The following ERBB4 variants were observed in gnomAD, a reference collection of about 807,000 sequenced individuals.
ERBB4 encodes erb-b2 receptor tyrosine kinase 4, also known as receptor tyrosine-protein kinase erbB-4.
Under a neutral mutation model 158.0 loss-of-function variants are expected in ERBB4, and 42 were observed. That is an observed-to-expected ratio of 0.27 (90% CI 0.21 to 0.34). The LOEUF (loss-of-function observed/expected upper bound fraction) is 0.34, where lower values mean the gene tolerates loss of function less well. Among genes scored for constraint, ERBB4 ranks in the 10% least tolerant of loss-of-function variants. The pLI is 1.00. For synonymous variants in ERBB4, 583 were observed against 558.7 expected, an observed-to-expected ratio of 1.04 and a Z score of -0.61; for missense variants, 1,333 against 1,624.1, an observed-to-expected ratio of 0.82 and a Z score of 3.08.
chr2:211,692,681 T>C (rs1168720104), intron 12 of ERBB4, among the ~76,000 whole-genome samples: 3 of 152,148 alleles, frequency 2.0e-5, no homozygotes, highest in Non-Finnish European at 4.4e-5. Context: ...AACCTCCCTC[T>C]ACCTTCCTCT....
intron 2 of ERBB4, among the ~76,000 whole-genome samples, chr2:212,053,732 C>G (rs1017361609): frequency 6.6e-6 from 1 of 152,108 alleles, no homozygotes; most frequent in African/African-American, 2.4e-5. Context: ...CGTGGACTCC[C>G]CAAGCTATCT....
intron 20 of ERBB4, among the ~76,000 whole-genome samples, chr2:211,446,509 C>G (rs2064116216): frequency 6.6e-6 from 1 of 152,082 alleles, no homozygotes; most frequent in African/African-American, 2.4e-5. Flanking sequence ...TATGTAAAGT[C>G]TTTTTAAAAA....
intron 11 of ERBB4, among the ~76,000 whole-genome samples, chr2:211,702,530 T>C (rs1186803009): frequency 6.6e-6 from 1 of 152,200 alleles, no homozygotes; most frequent in African/African-American, 2.4e-5. Context: ...ATTGTTCATC[T>C]ACTCAAAATA....
rs957112511 is a variant in ERBB4, at chr2:212,339,898, T to C, written c.82+198551A>G. On this transcript the variant is annotated intron_variant, in intron 1 of 27. Transcript: ENST00000342788. Reference sequence around the variant, plus strand: ...AGAAAATTATTAGTGTCAAAATACCTATAATTCCCACAGTTACGATATACA... The same window carrying C: ...AGAAAATTATTAGTGTCAAAATACCCATAATTCCCACAGTTACGATATACA... 2.5e-4 allele frequency among the ~76,000 whole-genome samples: 38 copies of C among 152,172 alleles called. 1 individual carries two copies. The highest frequency in any genetic ancestry group is 8.2e-4 in the African/African-American group (34 of 41,452).
chr2:212,518,048 C>T (rs559684083), intron 1 of ERBB4, among the ~76,000 whole-genome samples: 1 of 152,178 alleles, frequency 6.6e-6, no homozygotes. Context: ...ATTAATATCA[C>T]TTGTTAAGGC....
chr2:211,720,960 C>T (rs568702268), intron 7 of ERBB4, among the ~76,000 whole-genome samples: 1 of 152,202 alleles, frequency 6.6e-6, no homozygotes, highest in Non-Finnish European at 1.5e-5. Context: ...TATCTCAACA[C>T]CACAAAATGG....
rs184359557 is a variant in ERBB4 at position 211,440,610 on chromosome 2, T to G, written c.2488-9510A>C. 5.9e-4 allele frequency among the ~76,000 whole-genome samples: 90 copies of G among 152,296 alleles called. No individual in the cohort carries two copies. The Middle Eastern group carries it at 0.01, about 17-fold the overall frequency. ...ACCATACAGCTTAGGGATAGGGATATGTATATACAATTTTCCTTCTTAAGC... is the reference window on the plus strand; with the variant it reads ...ACCATACAGCTTAGGGATAGGGATAGGTATATACAATTTTCCTTCTTAAGC... On this transcript the variant is annotated intron_variant, in intron 20 of 27. Coordinates refer to ENST00000342788, the MANE Select transcript of ERBB4 (RefSeq NM_005235.3).
intron 20 of ERBB4, among the ~76,000 whole-genome samples, chr2:211,495,241 G>A (rs1163810380): frequency 6.6e-6 from 1 of 151,886 alleles, no homozygotes; most frequent in African/African-American, 2.4e-5. Flanking sequence ...ATGTAAAACA[G>A]CAAAATATTT....
chr2:212,033,930 C>G (rs2076958480), intron 2 of ERBB4, among the ~76,000 whole-genome samples: 1 of 151,838 alleles, frequency 6.6e-6, no homozygotes, highest in South Asian at 2.1e-4. Flanking sequence ...AAAATTGTAG[C>G]AGGAAATCTC....
At chr2:211,647,712 C>T (rs1194589478) in intron 16 of ERBB4, among the ~76,000 whole-genome samples, 1 of 151,678 alleles carries the variant, frequency 6.6e-6, no homozygotes, top group African/African-American at 2.4e-5. Context: ...TCTGGCTCCC[C>T]AATTCCCTGA....
chr2:211,769,113 C>G (rs926087899), intron 4 of ERBB4, among the ~76,000 whole-genome samples: 1 of 152,128 alleles, frequency 6.6e-6, no homozygotes, highest in Admixed American at 6.5e-5. Flanking sequence ...TCATATGTCT[C>G]AAGTTCAAAG....
chr2:211,879,725 A>T (rs2106144810), intron 3 of ERBB4, among the ~76,000 whole-genome samples: 1 of 152,234 alleles, frequency 6.6e-6, no homozygotes, highest in South Asian at 2.1e-4. Context: ...ATAGTAAAAA[A>T]CTAGAAGCTA....
rs1559117206 is a variant in ERBB4 at position 211,387,167 on chromosome 2, C to T, written c.3184-17G>A. 2 of 1,590,220 alleles carry T rather than the reference C, an allele frequency of 1.3e-6. No individual in the cohort carries two copies. Among genetic ancestry groups the T allele is most frequent in the Admixed American group, 1.7e-5 (1 of 59,966 alleles). On this transcript the variant is annotated splice_polypyrimidine_tract_variant and intron_variant, in intron 26 of 27. Transcript: ENST00000342788. The stretch of plus-strand genomic sequence containing the variant: ...AAACTGGTTCTGTTAATAAGAGAAA[C>T]ATATGTGGAGAGAAGGCGTTGTTAG...
At chr2:211,982,462 GA>G (rs1224437636) in intron 2 of ERBB4, among the ~76,000 whole-genome samples, 1 of 152,114 alleles carries the variant, frequency 6.6e-6, no homozygotes, top group East Asian at 1.9e-4. Flanking sequence ...AACAAGGAGA[GA>G]AAAAAATGTT....
At chr2:212,267,096 C>G (rs887112631) in intron 1 of ERBB4, among the ~76,000 whole-genome samples, 2 of 151,898 alleles carry the variant, frequency 1.3e-5, no homozygotes, top group Non-Finnish European at 2.9e-5. Flanking sequence ...GCTGTGCACA[C>G]AGAGTATAAA....
At chr2:211,466,297 T>A (rs1480181950) in intron 20 of ERBB4, among the ~76,000 whole-genome samples, 1 of 150,972 alleles carries the variant, frequency 6.6e-6, no homozygotes. Context: ...GTCTTCCTAC[T>A]ACCAGTAAGT....
chr2:211,718,801 G>A (rs145218205), intron 7 of ERBB4, among the ~76,000 whole-genome samples: 1 of 151,918 alleles, frequency 6.6e-6, no homozygotes, highest in Non-Finnish European at 1.5e-5. Flanking sequence ...TATCAGAGTA[G>A]AATGACCAGA....
chr2:211,931,163 T>A (rs1357604191), intron 3 of ERBB4, among the ~76,000 whole-genome samples: 1 of 152,168 alleles, frequency 6.6e-6, no homozygotes, highest in Non-Finnish European at 1.5e-5. Flanking sequence ...CAGTTCACTT[T>A]CCTTTTTTCC....
chr2:212,130,574 C>T (rs2080079789), intron 1 of ERBB4, among the ~76,000 whole-genome samples: 1 of 151,988 alleles, frequency 6.6e-6, no homozygotes, highest in Non-Finnish European at 1.5e-5. Context: ...ATTATCGCCT[C>T]CAAGCTTGTT....
Sources: gnomAD v4.1 joint callset for allele counts (sites outside exome capture counted in the v4.1 genomes callset) on GRCh38, gnomAD v4.1.1 for gene constraint, MANE v1.5 for transcripts, NCBI Gene and HGNC (gene_info 2026-07-23, HGNC 2026-07-21) for gene names.